LRCH1: variants seen among roughly 807,000 people sequenced by gnomAD.
LRCH1 encodes the protein leucine-rich repeat and calponin homology domain-containing protein 1.
Under a neutral mutation model 94.9 loss-of-function variants are expected in LRCH1, and 23 were observed. That is an observed-to-expected ratio of 0.24 (90% CI 0.17 to 0.34). The LOEUF (loss-of-function observed/expected upper bound fraction) is 0.34. LRCH1 is among the 10% of genes least tolerant of loss of function. The pLI, the probability that LRCH1 is intolerant of heterozygous loss-of-function variation, is 1.00. For missense variants in LRCH1, 790 were observed against 945.9 expected (o/e 0.84, Z 2.16); for synonymous variants, 364 against 354.9 (o/e 1.03, Z -0.29).
intron 3 of LRCH1, among the ~76,000 whole-genome samples, chr13:46,674,746 G>A (rs2051648018): frequency 6.6e-6 from 1 of 152,162 alleles, no homozygotes; most frequent in African/African-American, 2.4e-5. Context: ...AGCTAGCAAG[G>A]TAGGTATCAT....
At chr13:46,651,688 A>C (rs529477068) in intron 2 of LRCH1, among the ~76,000 whole-genome samples, 31 of 141,906 alleles carry the variant, frequency 2.2e-4, no homozygotes, top group Non-Finnish European at 3.9e-4. Context: ...TTTAAGTTGC[A>C]TTTCTGTAGA....
chr13:46,586,581 C>A (rs1167181215), intron 1 of LRCH1, among the ~76,000 whole-genome samples: 1 of 152,132 alleles, frequency 6.6e-6, no homozygotes, highest in Non-Finnish European at 1.5e-5. Flanking sequence ...CAACACCCAA[C>A]TGATTGTTGT....
chr13:46,655,364 A>G (rs1442942891), intron 2 of LRCH1, among the ~76,000 whole-genome samples: 7 of 152,252 alleles, frequency 4.6e-5, no homozygotes, highest in Admixed American at 1.3e-4. Flanking sequence ...CTCACATGAC[A>G]GAAATGTTAT....
chr13:46,656,504 C>T (rs1486023683), intron 2 of LRCH1, among the ~76,000 whole-genome samples: 1 of 152,182 alleles, frequency 6.6e-6, no homozygotes, highest in Non-Finnish European at 1.5e-5. Context: ...TATTTTCGAG[C>T]TGGTCTTTGG....
At chr13:46,618,423 G>A (rs190172633) in intron 1 of LRCH1, among the ~76,000 whole-genome samples, 306 of 152,276 alleles carry the variant, frequency 2.0e-3, no homozygotes, top group Non-Finnish European at 3.1e-3. Context: ...GTTGTGTGGG[G>A]CATAACTGTA....
At chr13:46,613,059 G>A (rs941033122) in intron 1 of LRCH1, among the ~76,000 whole-genome samples, 11 of 152,118 alleles carry the variant, frequency 7.2e-5, no homozygotes, top group Non-Finnish European at 1.0e-4. Context: ...TCAGATCACC[G>A]TAACAAATAT....
At chr13:46,670,202 C>CT (rs1478312421) in intron 3 of LRCH1, among the ~76,000 whole-genome samples, 1 of 152,174 alleles carries the variant, frequency 6.6e-6, no homozygotes, top group Non-Finnish European at 1.5e-5. Flanking sequence ...TAGAAAGTGT[C>CT]TTTTTCATGG....
rs764383772 is a variant in LRCH1 at position 46,553,691 on chromosome 13, A to G, written c.295A>G (p.Thr99Ala). 3.7e-6 allele frequency: 6 copies of G among 1,609,974 alleles called. No homozygotes were observed. In the Admixed American group the frequency reaches 1.0e-4, roughly 27 times the overall value. ...TAAPGHDLSD[T>A]VQADLSKNRL... ...AGCCCCCGGGCACGACCTCTCGGAC[A>G]CGGTGCAGGCAGGTGAGTGAGGGCC... Residue 99 changes from threonine (T) to alanine (A), a missense_variant, in exon 1 of 20, where the codon ACG becomes GCG. This residue lies in a region of LRCH1 where 136 missense variants were observed against 143.5 expected (regional missense o/e 0.95). Coordinates refer to ENST00000389797, the MANE Select transcript of LRCH1 (RefSeq NM_001164211.2).
chr13:46,650,134 T>C (rs1327194228), intron 1 of LRCH1, 67 bp from the exon 2 acceptor site: 37 of 1,119,702 alleles, frequency 3.3e-5, no homozygotes, highest in South Asian at 2.8e-4. Context: ...ACAGTGTTTG[T>C]GGTTAATAAA....
At chr13:46,673,874 A>G (rs1277593371) in intron 3 of LRCH1, among the ~76,000 whole-genome samples, 3 of 150,820 alleles carry the variant, frequency 2.0e-5, no homozygotes, top group Non-Finnish European at 4.4e-5. Context: ...TCCGCCTCCC[A>G]GGTTCAAGCA....
rs1215339348 is a variant in LRCH1, at chr13:46,553,440, T to C, written c.44T>C (p.Leu15Pro). The change falls in exon 1 of 20, where the codon CTT becomes CCT. Residue 15 changes from leucine to proline, a missense_variant. Around this residue, in one of 3 missense-constraint regions of LRCH1, gnomAD observed 136 missense variants for 143.5 expected, o/e 0.95. Coordinates refer to ENST00000389797, the MANE Select transcript of LRCH1 (RefSeq NM_001164211.2). Reference sequence around the variant, plus strand: ...GAACCCCAACCTTTCGTCCCGGCCCTTTCGGTAGCTACTCTGCACCCACTT... The same window carrying C: ...GAACCCCAACCTTTCGTCCCGGCCCCTTCGGTAGCTACTCTGCACCCACTT... ...GSEPQPFVPA[L>P]SVATLHPLHH... is the part of the protein sequence containing the mutation. 3 of 1,548,644 alleles carry C rather than the reference T, an allele frequency of 1.9e-6. No homozygotes were observed. Among genetic ancestry groups the C allele is most frequent in the Non-Finnish European group, 1.7e-6 (2 of 1,146,280 alleles).
At chr13:46,705,439 C>A in intron 13 of LRCH1, 135 bp downstream of exon 13, 1 of 870,324 alleles carries the variant, frequency 1.1e-6, no homozygotes, top group Non-Finnish European at 2.0e-6. Context: ...TTGTTCAGGA[C>A]ACATTTTTCA....
intron 1 of LRCH1, among the ~76,000 whole-genome samples, chr13:46,560,469 T>C (rs1299078077): frequency 6.6e-6 from 1 of 152,146 alleles, no homozygotes; most frequent in Non-Finnish European, 1.5e-5. Context: ...ATTTCAGTGA[T>C]TGTGTGAATT....
chr13:46,572,817 AGT>A (rs1482401461), intron 1 of LRCH1, among the ~76,000 whole-genome samples: 2 of 152,064 alleles, frequency 1.3e-5, no homozygotes, highest in African/African-American at 4.8e-5. Context: ...TTTATTATCT[AGT>A]GTGAGTAAAC....
At chr13:46,746,752 C>T (rs1401496018), downstream of LRCH1, among the ~76,000 whole-genome samples, 1 of 152,152 alleles carries the variant, frequency 6.6e-6, no homozygotes, top group Non-Finnish European at 1.5e-5. Flanking sequence ...ATTCCTCATC[C>T]AGCTGTAAAC....
chr13:46,565,530 G>C (rs1303028745), intron 1 of LRCH1, among the ~76,000 whole-genome samples: 1 of 151,996 alleles, frequency 6.6e-6, no homozygotes, highest in Non-Finnish European at 1.5e-5. Context: ...TTTCTGCTGG[G>C]GCCGGGTGCA....
At chr13:46,696,866 C>A (rs1871221130) in intron 9 of LRCH1, among the ~76,000 whole-genome samples, 1 of 152,016 alleles carries the variant, frequency 6.6e-6, no homozygotes, top group South Asian at 2.1e-4. Flanking sequence ...CCCAGGAGTT[C>A]AAGATCAGCC....
At chr13:46,646,553 TG>T (rs1226675358) in intron 1 of LRCH1, among the ~76,000 whole-genome samples, 1 of 152,206 alleles carries the variant, frequency 6.6e-6, no homozygotes, top group Non-Finnish European at 1.5e-5. Flanking sequence ...GTCCTGCAAC[TG>T]TTTTTGTTTT....
intron 19 of LRCH1, among the ~76,000 whole-genome samples, chr13:46,738,049 A>G (rs1189604747): frequency 1.3e-5 from 2 of 152,162 alleles, no homozygotes. Flanking sequence ...CCTTCTTTAG[A>G]TGAGGGGAGT....
Sources: gnomAD v4.1 joint callset for allele counts (sites outside exome capture counted in the v4.1 genomes callset) on GRCh38, gnomAD v4.1.1 for gene constraint, gnomAD v4.1.1 regional missense constraint, MANE v1.5 for transcripts, NCBI Gene and HGNC (gene_info 2026-07-23, HGNC 2026-07-21) for gene names.